Variants in SPSB1 observed in about 807,000 individuals in gnomAD.
SPSB1 encodes the protein SPRY domain-containing SOCS box protein 1.
In SPSB1, 8 loss-of-function variants were observed where a neutral mutation model predicts 21.2. The ratio of observed to expected loss-of-function variants is 0.38; its 90% CI spans 0.22 to 0.68. SPSB1 has a LOEUF of 0.68. Ranked by LOEUF, SPSB1 falls within the 30% of genes least tolerant of loss-of-function variation. The probability of loss-of-function intolerance (pLI) is 0.53; values close to 1 mark genes in which losing one functional copy is unlikely to be tolerated. For missense variants in SPSB1, 242 were observed against 377.8 expected (o/e 0.64, Z 2.98); for synonymous variants, 169 against 161.7 (o/e 1.05, Z -0.34).
In SPSB1 at chr1:9,295,084, C is replaced by T. The variant is rs546378698; in HGVS notation, c.-150+2013C>T. On this transcript the variant is annotated intron_variant, in intron 1 of 2. Transcript: ENST00000328089. ...CACTGAGGTCATGGGCCAGGCACTT[C>T]GTGTCTCCCCAGCTGTGAAGTGATG... 1.9e-4 allele frequency among the ~76,000 whole-genome samples: 29 copies of T among 152,266 alleles called. No homozygotes were observed. In the South Asian group the frequency reaches 2.1e-3, roughly 11 times the overall value.
intron 1 of SPSB1, among the ~76,000 whole-genome samples, chr1:9,338,203 C>T (rs1640035304): frequency 2.6e-5 from 4 of 152,222 alleles, no homozygotes. Flanking sequence ...TCAGCTCTCC[C>T]CTACCCCGTT....
chr1:9,306,850 A>G (rs1639419671), intron 1 of SPSB1, among the ~76,000 whole-genome samples: 1 of 152,112 alleles, frequency 6.6e-6, no homozygotes, highest in Admixed American at 6.5e-5. Context: ...GCTCCAAGCA[A>G]GATGTCCTGG....
intron 1 of SPSB1, among the ~76,000 whole-genome samples, chr1:9,333,177 T>A (rs1172428040): frequency 1.3e-5 from 2 of 152,228 alleles, no homozygotes; most frequent in Non-Finnish European, 2.9e-5. Context: ...GTTCAGTGTC[T>A]GCTCCCAGAG....
At chr1:9,343,967 A>T (rs1461884539) in intron 1 of SPSB1, among the ~76,000 whole-genome samples, 2 of 151,880 alleles carry the variant, frequency 1.3e-5, no homozygotes, top group African/African-American at 4.8e-5. Context: ...TTGTATTTTT[A>T]AAAGTAGAGA....
Position 9,346,703 on chromosome 1 carries a change from C to G in SPSB1, c.-149-9040C>G, listed in dbSNP as rs1008488992. ...GCTCTCAGTGCCTCATTCCTCCTCA[C>G]CTCCTCCTCTTCCCTGGCGTTGGTC... On this transcript the variant is annotated intron_variant, in intron 1 of 2. Transcript: ENST00000328089. The surrounding 1 kb of genome is among the most constrained non-coding windows in gnomAD (Gnocchi z 4.4). Among the ~76,000 whole-genome samples, 1 of 152,176 alleles carries G rather than the reference C, an allele frequency of 6.6e-6. No homozygotes were observed. The highest frequency in any genetic ancestry group is 1.5e-5 in the Non-Finnish European group (1 of 68,020).
chr1:9,318,117 C>T (rs1213927269), intron 1 of SPSB1, among the ~76,000 whole-genome samples: 3 of 152,212 alleles, frequency 2.0e-5, no homozygotes, highest in African/African-American at 7.2e-5. Context: ...GGAGAGATGA[C>T]GTTCCCTGTG....
chr1:9,323,276 G>A (rs530704582), intron 1 of SPSB1, among the ~76,000 whole-genome samples: 133 of 152,348 alleles, frequency 8.7e-4, no homozygotes, highest in African/African-American at 2.1e-3. Flanking sequence ...CCGCCGAGCC[G>A]AGGGGGGCTG....
chr1:9,301,355 C>G (rs1046111639), intron 1 of SPSB1, among the ~76,000 whole-genome samples: 6 of 152,094 alleles, frequency 3.9e-5, no homozygotes, highest in African/African-American at 1.4e-4. Flanking sequence ...AAAAAATTAG[C>G]TGGGCGTGGT....
Position 9,305,034 on chromosome 1 carries a change from G to A in SPSB1, c.-150+11963G>A, listed in dbSNP as rs77674844. ...ATTCCCTGGGCTTCACCTGCCTCCT[G>A]CGCCCAGACCCATCTGGCATTGCCT... On this transcript the variant is annotated intron_variant, in intron 1 of 2. Coordinates refer to ENST00000328089, the MANE Select transcript of SPSB1 (RefSeq NM_025106.4). This position sits in a 1 kb window ranked among gnomAD's most constrained non-coding sequence, Gnocchi z 4.8. Among the ~76,000 whole-genome samples the A allele has an allele frequency of 0.032, 4,856 of 152,120 alleles. 104 individuals are homozygous for A. Among genetic ancestry groups the A allele is most frequent in the Non-Finnish European group, 0.047 (3,196 of 67,970 alleles).
At chr1:9,347,423 A>C (rs927188964) in intron 1 of SPSB1, among the ~76,000 whole-genome samples, 2 of 152,216 alleles carry the variant, frequency 1.3e-5, no homozygotes, top group Non-Finnish European at 2.9e-5. Flanking sequence ...CATGCATTTT[A>C]AAAAATTCAA....
chr1:9,316,742 A>G (rs1639622866), intron 1 of SPSB1, among the ~76,000 whole-genome samples: 1 of 152,066 alleles, frequency 6.6e-6, no homozygotes, highest in Admixed American at 6.5e-5. Context: ...TCCAGGGGAG[A>G]CCGCCCCGGA....
At chr1:9,360,392 G>T (rs1199757762) in intron 2 of SPSB1, among the ~76,000 whole-genome samples, 4 of 152,220 alleles carry the variant, frequency 2.6e-5, no homozygotes, top group African/African-American at 7.2e-5. Flanking sequence ...GGGCACGGGA[G>T]GAGCCTGATG....
At chr1:9,364,287 A>G (rs573403445) in intron 2 of SPSB1, among the ~76,000 whole-genome samples, 10 of 152,360 alleles carry the variant, frequency 6.6e-5, no homozygotes, top group African/African-American at 2.4e-4. Context: ...ACACACCTGC[A>G]AATTCCCCAC....
At chr1:9,360,924 G>A (rs1285748728) in intron 2 of SPSB1, among the ~76,000 whole-genome samples, 1 of 152,184 alleles carries the variant, frequency 6.6e-6, no homozygotes, top group Non-Finnish European at 1.5e-5. Context: ...CCACCTGTGG[G>A]GGGTGAAAGA....
At chr1:9,307,460 G>A (rs1256221074) in intron 1 of SPSB1, among the ~76,000 whole-genome samples, 1 of 152,212 alleles carries the variant, frequency 6.6e-6, no homozygotes, top group Non-Finnish European at 1.5e-5. Flanking sequence ...GTTTGCCTGT[G>A]CTGGACAGTT....
At chr1:9,311,934 A>G (rs1639527560) in intron 1 of SPSB1, among the ~76,000 whole-genome samples, 1 of 151,976 alleles carries the variant, frequency 6.6e-6, no homozygotes, top group South Asian at 2.1e-4. Context: ...TTCTCTCCTT[A>G]AGCCAGTGGC....
At chr1:9,326,899 C>T (rs753772192) in intron 1 of SPSB1, among the ~76,000 whole-genome samples, 21 of 152,222 alleles carry the variant, frequency 1.4e-4, no homozygotes, top group Non-Finnish European at 2.2e-4. Flanking sequence ...GAGCAGCTGG[C>T]GCCTTTTTTA....
At chr1:9,309,154 CGGTG>C (rs1639471881) in intron 1 of SPSB1, among the ~76,000 whole-genome samples, 1 of 151,834 alleles carries the variant, frequency 6.6e-6, no homozygotes, top group African/African-American at 2.4e-5. Flanking sequence ...CAGGGGTCGT[CGGTG>C]GGCATGGGGT....
intron 1 of SPSB1, among the ~76,000 whole-genome samples, chr1:9,327,013 CCTGGGG>C (rs1639826261): frequency 6.6e-6 from 1 of 152,156 alleles, no homozygotes; most frequent in Non-Finnish European, 1.5e-5. Context: ...CCTCCTTGCA[CCTGGGG>C]GTCTTGGCTT....
Sources: gnomAD v4.1 joint callset for allele counts (sites outside exome capture counted in the v4.1 genomes callset) on GRCh38, gnomAD v4.1.1 for gene constraint, Gnocchi (gnomAD v3.1) non-coding constraint, MANE v1.5 for transcripts, NCBI Gene and HGNC (gene_info 2026-07-23, HGNC 2026-07-21) for gene names.